HOMER1: variants seen among roughly 807,000 people sequenced by gnomAD.
HOMER1 encodes the protein homer scaffold protein 1.
HOMER1 carries 3 observed loss-of-function variants against 48.9 expected under a neutral mutation model. The observed-to-expected ratio is 0.06, with a 90% confidence interval of 0.03 to 0.16. The LOEUF (loss-of-function observed/expected upper bound fraction) is 0.16, where lower values mean the gene tolerates loss of function less well. Among genes scored for constraint, HOMER1 ranks in the 10% least tolerant of loss-of-function variants. The pLI is 1.00. For synonymous variants in HOMER1, 134 were observed against 146.4 expected (o/e 0.92, Z 0.61); for missense variants, 247 against 411.4 (o/e 0.60, Z 3.46).
Position 79,460,191 on chromosome 5 carries a change from G to A in HOMER1, c.6-3173C>T, listed in dbSNP as rs1228961425. Among the ~76,000 whole-genome samples the A allele has an allele frequency of 5.3e-5, 8 of 152,102 alleles. No homozygotes were observed. The East Asian group carries it at 5.8e-4, about 11-fold the overall frequency. On this transcript the variant is annotated intron_variant, in intron 1 of 8. Transcript: ENST00000334082. The stretch of plus-strand genomic sequence containing the variant: ...TTTTAGAAAGATAAATCTGGGCCAC[G>A]TGTGGTGGCTCACACCTGTAATCCC...
intron 1 of HOMER1, among the ~76,000 whole-genome samples, chr5:79,498,175 C>T (rs952859963): frequency 1.2e-4 from 19 of 152,040 alleles, no homozygotes; most frequent in Non-Finnish European, 2.4e-4. Context: ...CTGAGGAGGG[C>T]GGATCACCTG....
rs1748741207 is a variant in HOMER1 at position 79,375,325 on chromosome 5, C to T, written c.*684G>A. ...ATATCTTCTCATAAATACATGGAAT[C>T]AATATGGAAAAGTAAACTATACAAC... is the stretch of plus-strand genomic sequence containing the variant. On this transcript the variant is annotated 3_prime_UTR_variant, in exon 9 of 9. Coordinates refer to ENST00000334082, the MANE Select transcript of HOMER1 (RefSeq NM_004272.5). 1 of 151,980 alleles carries T rather than the reference C, an allele frequency of 6.6e-6. No homozygotes were observed. The highest frequency in any genetic ancestry group is 6.6e-5 in the Admixed American group (1 of 15,260). The allele number at this position is 151,980 out of a possible 1,614,324, so 9.4% of individuals were successfully genotyped here. A position where few individuals can be genotyped will look rare whatever the true frequency, so the allele number is the denominator to read the frequency against.
At chr5:79,473,809 A>C (rs1751685094) in intron 1 of HOMER1, among the ~76,000 whole-genome samples, 1 of 152,196 alleles carries the variant, frequency 6.6e-6, no homozygotes, top group South Asian at 2.1e-4. Context: ...CATCATGGCA[A>C]TAATTTTAAA....
chr5:79,410,836 G>A (rs1460300136), intron 5 of HOMER1, among the ~76,000 whole-genome samples: 1 of 152,098 alleles, frequency 6.6e-6, no homozygotes, highest in Non-Finnish European at 1.5e-5. Context: ...TCACTTTTCA[G>A]GAATACTTGT....
chr5:79,385,469 C>T (rs1561343067), intron 8 of HOMER1, among the ~76,000 whole-genome samples: 1 of 152,230 alleles, frequency 6.6e-6, no homozygotes, highest in East Asian at 1.9e-4. Flanking sequence ...CAAAAGAAGA[C>T]ATATTATGGC....
intron 5 of HOMER1, among the ~76,000 whole-genome samples, chr5:79,426,542 T>C (rs74735163): frequency 0.016 from 2,419 of 151,970 alleles, 32 homozygotes; most frequent in Non-Finnish European, 0.022. Flanking sequence ...AAATAAGCCA[T>C]GCGCAGAAAG....
chr5:79,471,321 G>C (rs139195418), intron 1 of HOMER1, among the ~76,000 whole-genome samples: 2 of 152,008 alleles, frequency 1.3e-5, no homozygotes, highest in East Asian at 3.9e-4. Flanking sequence ...CGAGGCAGGC[G>C]GATCACCTGA....
At chr5:79,486,312 T>C (rs1752100180) in intron 1 of HOMER1, among the ~76,000 whole-genome samples, 1 of 120,110 alleles carries the variant, frequency 8.3e-6, no homozygotes, top group South Asian at 3.3e-4. Flanking sequence ...AATTTTGGGA[T>C]GGTTTGTCAT....
chr5:79,475,485 C>A (rs937654857), intron 1 of HOMER1, among the ~76,000 whole-genome samples: 1 of 143,422 alleles, frequency 7.0e-6, no homozygotes, highest in African/African-American at 2.6e-5. Context: ...AGAAGAACAG[C>A]AGGGGAAAAG....
In HOMER1 at chr5:79,514,112, T is replaced by G. The variant is rs1281991768; in HGVS notation, c.-1338A>C. 6.6e-6 allele frequency: 1 copy of G among 151,494 alleles called. No homozygotes were observed. Among genetic ancestry groups the G allele is most frequent in the Non-Finnish European group, 1.5e-5 (1 of 67,790 alleles). 9.4% of individuals were successfully genotyped at this position (151,494 alleles called of 1,614,324 possible). On this transcript the variant is annotated 5_prime_UTR_variant, in exon 1 of 9. Transcript: ENST00000334082. ...GCTTTCCCGGTCAGCGCCGCCGGCG[T>G]GAAGCTAGCGCGGCGGCAGAGTGGG...
chr5:79,384,077 T>A, intron 8 of HOMER1, among the ~76,000 whole-genome samples: 4 of 138,698 alleles, frequency 2.9e-5, no homozygotes, highest in Non-Finnish European at 4.6e-5. Flanking sequence ...CAAATAGCAA[T>A]CTAACAATGT....
chr5:79,506,038 C>T (rs1752755759), intron 1 of HOMER1, among the ~76,000 whole-genome samples: 1 of 151,770 alleles, frequency 6.6e-6, no homozygotes, highest in African/African-American at 2.4e-5. Context: ...AAATGTTTAG[C>T]AGACAAAAAA....
chr5:79,381,913 A>C (rs990314044), intron 8 of HOMER1, among the ~76,000 whole-genome samples: 11 of 152,004 alleles, frequency 7.2e-5, no homozygotes, highest in African/African-American at 2.7e-4. Context: ...AAGAAATCTG[A>C]AAAATAATTC....
intron 1 of HOMER1, among the ~76,000 whole-genome samples, chr5:79,485,524 C>T (rs986101771): frequency 2.0e-5 from 3 of 152,110 alleles, no homozygotes; most frequent in Non-Finnish European, 2.9e-5. Flanking sequence ...TTCCTTAGTG[C>T]GAATGTAATA....
intron 1 of HOMER1, among the ~76,000 whole-genome samples, chr5:79,506,293 T>TTGA (rs141460132): frequency 0.01 from 1,535 of 152,228 alleles, 26 homozygotes; most frequent in African/African-American, 0.034. Flanking sequence ...ATTATATGTG[T>TTGA]TGATAATTTC....
chr5:79,480,514 T>G (rs1751917697), intron 1 of HOMER1, among the ~76,000 whole-genome samples: 1 of 152,206 alleles, frequency 6.6e-6, no homozygotes, highest in Non-Finnish European at 1.5e-5. Context: ...TCTTTGCTTC[T>G]GAATAACTCA....
Position 79,397,589 on chromosome 5 carries a change from G to T in HOMER1, c.733C>A (p.His245Asn). ...ATTGTCTGATTTAATTCTGTCTTAT[G>T]AGTATGTACTGCATTTGCTTGGCTA... ...VSSQANAVHT[H>N]KTELNQTIQE... The change falls in exon 7 of 9, where the codon CAT becomes AAT. Residue 245 changes from histidine to asparagine, a missense_variant. Physicochemically the swap from His to Asn is moderately conservative, Grantham distance 68. Around this residue, in one of 4 missense-constraint regions of HOMER1, gnomAD observed 113 missense variants for 152.5 expected, o/e 0.74. Coordinates refer to ENST00000334082, the MANE Select transcript of HOMER1 (RefSeq NM_004272.5). 1 of 1,610,516 alleles carries T rather than the reference G, an allele frequency of 6.2e-7. No individual in the cohort carries two copies.
intron 8 of HOMER1, among the ~76,000 whole-genome samples, chr5:79,393,466 G>A (rs944810171): frequency 6.6e-6 from 1 of 152,140 alleles, no homozygotes; most frequent in Non-Finnish European, 1.5e-5. Context: ...GTGACTTCAA[G>A]ATACAGGTAA....
intron 5 of HOMER1, among the ~76,000 whole-genome samples, chr5:79,415,110 G>A (rs1211102294): frequency 2.6e-5 from 4 of 152,114 alleles, no homozygotes. Flanking sequence ...CAGGAGTGCA[G>A]TGGTGCAATC....
Sources: gnomAD v4.1 joint callset for allele counts (sites outside exome capture counted in the v4.1 genomes callset) on GRCh38, gnomAD v4.1.1 for gene constraint, gnomAD v4.1.1 regional missense constraint, MANE v1.5 for transcripts, NCBI Gene and HGNC (gene_info 2026-07-23, HGNC 2026-07-21) for gene names.